The following RCAN2 variants were observed in gnomAD, a reference collection of about 807,000 sequenced individuals.
RCAN2 encodes the protein calcipressin-2.
Under a neutral mutation model 23.6 loss-of-function variants are expected in RCAN2, and 9 were observed. The ratio of observed to expected loss-of-function variants is 0.38; its 90% confidence interval spans 0.23 to 0.67. RCAN2 has a LOEUF of 0.67. Among genes scored for constraint, RCAN2 ranks in the 30% least tolerant of loss-of-function variants. The pLI is 0.51. For missense variants in RCAN2, 273 were observed against 302.3 expected (o/e 0.90, Z 0.72); for synonymous variants, 109 against 115.7 (o/e 0.94, Z 0.37).
intron 2 of RCAN2, among the ~76,000 whole-genome samples, chr6:46,410,937 A>T (rs1234357511): frequency 1.3e-5 from 2 of 152,224 alleles, no homozygotes; most frequent in Non-Finnish European, 2.9e-5. Flanking sequence ...GCAGGGAAAG[A>T]ACAGGCTTGG....
intron 2 of RCAN2, among the ~76,000 whole-genome samples, chr6:46,310,112 C>A (rs1233404600): frequency 6.6e-6 from 1 of 152,046 alleles, no homozygotes; most frequent in African/African-American, 2.4e-5. Flanking sequence ...CCAATTCATA[C>A]CCGGTTCTTA....
chr6:46,284,972 C>T (rs1223648173), intron 2 of RCAN2, among the ~76,000 whole-genome samples: 2 of 152,202 alleles, frequency 1.3e-5, no homozygotes, highest in African/African-American at 4.8e-5. Flanking sequence ...TATCTACTTC[C>T]ACTGAAATCA....
At chr6:46,227,870 G>T (rs944774780) in intron 4 of RCAN2, among the ~76,000 whole-genome samples, 1 of 152,146 alleles carries the variant, frequency 6.6e-6, no homozygotes. Context: ...TGATGTTAGG[G>T]TGTCAATTTT....
At position 46,248,886 on chromosome 6, in the gene RCAN2, T is replaced by G. The variant is rs755643862; in HGVS notation, c.236A>C (p.Glu79Ala). The G allele has an allele frequency of 1.9e-6, 3 of 1,603,220 alleles. No homozygotes were observed. The African/African-American group carries it at 4.1e-5, about 22-fold the overall frequency. ...GTCATCATAAGTCCGAAACAGTCCC[T>G]CAAATTTTTCCTGATAAAAACAAAC... Reference protein sequence around the residue: ...FEGEESKEKFEGLFRTYDDCV... With the variant: ...FEGEESKEKFAGLFRTYDDCV... The change falls in exon 3 of 5, where the codon GAG becomes GCG. Residue 79 changes from glutamate to alanine, a missense_variant. Physicochemically the swap from Glu to Ala is moderately radical, Grantham distance 107 (BLOSUM62 -1). Coordinates refer to ENST00000371374, the MANE Select transcript of RCAN2 (RefSeq NM_001251974.2).
rs1763640761 is a variant in RCAN2, at chr6:46,322,220, ACATCAACC to A, written c.226-73332_226-73325del. On this transcript the variant is annotated intron_variant, in intron 2 of 4. Coordinates refer to ENST00000371374, the MANE Select transcript of RCAN2 (RefSeq NM_001251974.2). ...TTCAGAAATATGAGAATACTGGAGA[ACATCAACC>A]CTGCACATTCACACACACAGAAATT... Among the ~76,000 whole-genome samples the A allele has an allele frequency of 2.0e-5, 3 of 152,324 alleles. No homozygotes were observed. In the South Asian group the frequency reaches 6.2e-4, roughly 32 times the overall value.
chr6:46,230,432 A>G (rs947070586), intron 4 of RCAN2, among the ~76,000 whole-genome samples: 2 of 152,210 alleles, frequency 1.3e-5, no homozygotes, highest in Admixed American at 1.3e-4. Flanking sequence ...ACCCAGTTTG[A>G]GCTTCCTGGC....
In RCAN2 at chr6:46,308,665, C is replaced by A. The variant is rs998051673; in HGVS notation, c.226-59769G>T. Among the ~76,000 whole-genome samples, 9 of 152,100 alleles carry A rather than the reference C, an allele frequency of 5.9e-5. 1 individual carries two copies. The highest frequency in any genetic ancestry group is 1.3e-4 in the Non-Finnish European group (9 of 67,976). On this transcript the variant is annotated intron_variant, in intron 2 of 4. Coordinates refer to ENST00000371374, the MANE Select transcript of RCAN2 (RefSeq NM_001251974.2). Reference sequence around the variant, plus strand: ...ATATAAAGAATTATCTGGAGAAGACCCATATTTAGTCAGGAGAAGAAGACC... The same window carrying A: ...ATATAAAGAATTATCTGGAGAAGACACATATTTAGTCAGGAGAAGAAGACC...
chr6:46,387,443 G>C lies in RCAN2; in HGVS notation c.225+69309C>G, dbSNP rs868378286. On this transcript the variant is annotated intron_variant, in intron 2 of 4. Transcript: ENST00000371374. Reference sequence around the variant, plus strand: ...CAACCCCATCAAAAAGTGGGTGAAGGATATGAACAGACACTTCTCAAAAGA... The same window carrying C: ...CAACCCCATCAAAAAGTGGGTGAAGCATATGAACAGACACTTCTCAAAAGA... Among the ~76,000 whole-genome samples, 102 of 152,164 alleles carry C rather than the reference G, an allele frequency of 6.7e-4. No homozygotes were observed. In the Middle Eastern group the frequency reaches 0.01, roughly 15 times the overall value.
chr6:46,436,249 G>A (rs1767358425), intron 2 of RCAN2, among the ~76,000 whole-genome samples: 1 of 152,204 alleles, frequency 6.6e-6, no homozygotes, highest in Admixed American at 6.5e-5. Context: ...TTTTGCTCTT[G>A]TTGCCCAGCC....
chr6:46,231,756 T>C (rs1241782456), intron 4 of RCAN2, among the ~76,000 whole-genome samples: 2 of 152,164 alleles, frequency 1.3e-5, no homozygotes, highest in African/African-American at 4.8e-5. Flanking sequence ...AACACAGCCA[T>C]ACCCTGCTGA....
At chr6:46,413,959 C>T (rs1394243418) in intron 2 of RCAN2, among the ~76,000 whole-genome samples, 1 of 152,104 alleles carries the variant, frequency 6.6e-6, no homozygotes. Context: ...AAGACCACGG[C>T]CCCCAGCCAC....
chr6:46,325,918 G>C (rs1561859962), intron 2 of RCAN2: 1 of 983,410 alleles, frequency 1.0e-6, no homozygotes, highest in Non-Finnish European at 1.2e-6. Context: ...TCTGACACCA[G>C]AGTTTCTTCT....
At chr6:46,347,271 T>C (rs753553034) in intron 2 of RCAN2, among the ~76,000 whole-genome samples, 26 of 152,352 alleles carry the variant, frequency 1.7e-4, no homozygotes, top group Admixed American at 5.2e-4. Flanking sequence ...ATCAGTCCTA[T>C]GCCTGCATTT....
intron 2 of RCAN2, among the ~76,000 whole-genome samples, chr6:46,327,615 C>T (rs1351734897): frequency 6.6e-6 from 1 of 152,202 alleles, no homozygotes; most frequent in Admixed American, 6.5e-5. Flanking sequence ...TTGAATATCA[C>T]TGGCATCTGT....
intron 2 of RCAN2, among the ~76,000 whole-genome samples, chr6:46,268,929 AC>A (rs1767433169): frequency 6.6e-6 from 1 of 152,212 alleles, no homozygotes; most frequent in South Asian, 2.1e-4. Flanking sequence ...TTGTAGGAAA[AC>A]AGTCACGTAT....
intron 2 of RCAN2, among the ~76,000 whole-genome samples, chr6:46,436,734 G>T (rs950392428): frequency 3.9e-5 from 6 of 152,270 alleles, no homozygotes; most frequent in Admixed American, 2.6e-4. Flanking sequence ...ACTGCCTATG[G>T]TCGCACAACT....
rs896228309 is a variant in RCAN2 at position 46,378,109 on chromosome 6, C to T, written c.225+78643G>A. ...GATTAGCTAATTTCTTGCAATTAAG[C>T]TGATGGCCATTCATTTGCTAATCGT... is the stretch of plus-strand genomic sequence containing the variant. On this transcript the variant is annotated intron_variant, in intron 2 of 4. Coordinates refer to ENST00000371374, the MANE Select transcript of RCAN2 (RefSeq NM_001251974.2). Among the ~76,000 whole-genome samples the T allele has an allele frequency of 9.2e-5, 14 of 152,298 alleles. No homozygotes were observed. In the South Asian group the frequency reaches 2.9e-3, roughly 32 times the overall value.
chr6:46,366,323 A>G (rs1406981693), intron 2 of RCAN2, among the ~76,000 whole-genome samples: 3 of 152,168 alleles, frequency 2.0e-5, no homozygotes, highest in Admixed American at 1.3e-4. Flanking sequence ...TTCTAAACTC[A>G]GGTTGCCTGA....
At chr6:46,396,350 T>C (rs1359872778) in intron 2 of RCAN2, among the ~76,000 whole-genome samples, 2 of 152,196 alleles carry the variant, frequency 1.3e-5, no homozygotes, top group East Asian at 3.8e-4. Context: ...GAAGGATCCA[T>C]AGCCTATTCT....
Sources: allele counts gnomAD v4.1 joint callset (sites outside exome capture counted in the v4.1 genomes callset), GRCh38; gene constraint gnomAD v4.1.1; transcripts MANE v1.5; gene names NCBI Gene and HGNC (gene_info 2026-07-23, HGNC 2026-07-21).